Variants in SPP2 observed in about 807,000 individuals in gnomAD.
The protein encoded by SPP2 is secreted phosphoprotein 2, also known as secreted phosphoprotein 24.
Under a neutral mutation model 28.8 loss-of-function variants are expected in SPP2, and 34 were observed. That is an observed-to-expected ratio of 1.18 (90% CI 0.90 to 1.57). The LOEUF is 1.57. SPP2 is among the 40% of genes most tolerant of loss of function. The probability of loss-of-function intolerance (pLI) is 0.00; values close to 1 mark genes in which losing one functional copy is unlikely to be tolerated. For synonymous variants in SPP2, 96 were observed against 89.4 expected, an observed-to-expected ratio of 1.07 and a Z score of -0.42; for missense variants, 269 against 263.9, an observed-to-expected ratio of 1.02 and a Z score of -0.13.
At chr2:234,052,296 C>A (rs1166792639) in intron 2 of SPP2, among the ~76,000 whole-genome samples, 2 of 152,140 alleles carry the variant, frequency 1.3e-5, no homozygotes, top group African/African-American at 4.8e-5. Flanking sequence ...TATTGTATTT[C>A]AAATGCCAGT....
chr2:234,067,283 T>C lies in SPP2; in HGVS notation c.550+9T>C, dbSNP rs371218202. ...TTATGATCGGTCACTTGGTAAGTGA[T>C]TTCTTTCCTGCTGTGCCACCAGACC... On this transcript the variant is annotated intron_variant, in intron 6 of 7. Coordinates refer to ENST00000168148, the MANE Select transcript of SPP2 (RefSeq NM_006944.3). 1.1e-5 allele frequency: 17 copies of C among 1,613,708 alleles called. No homozygotes were observed. The highest frequency in any genetic ancestry group is 1.4e-5 in the Non-Finnish European group (16 of 1,179,778).
chr2:234,066,397 A>T, intron 4 of SPP2, 136 bp from the exon 5 acceptor site: 1 of 707,192 alleles, frequency 1.4e-6, no homozygotes, highest in Non-Finnish European at 2.4e-6. Flanking sequence ...TATTTAATAT[A>T]ACGTATTGCC....
Position 234,067,237 on chromosome 2 carries a change from C to G in SPP2, c.513C>G (p.Asp171Glu). The G allele has an allele frequency of 6.2e-7, 1 of 1,613,720 alleles. No homozygotes were observed. Among genetic ancestry groups the G allele is most frequent in the Non-Finnish European group, 8.5e-7 (1 of 1,179,724 alleles). Residue 171 changes from aspartate to glutamate, a missense_variant, in exon 6 of 8, where the codon GAC becomes GAG. Coordinates refer to ENST00000168148, the MANE Select transcript of SPP2 (RefSeq NM_006944.3). The part of the protein sequence containing the change: ...RNNYLFGLIS[D>E]ESISEQFYDR... Reference sequence around the variant, plus strand: ...ACTGTGTTACAGGTCTCATTTCAGACGAGTCCATAAGTGAACAATTTTATG... The same window carrying G: ...ACTGTGTTACAGGTCTCATTTCAGAGGAGTCCATAAGTGAACAATTTTATG...
chr2:234,052,023 C>T (rs1693508154), intron 2 of SPP2, among the ~76,000 whole-genome samples: 1 of 152,198 alleles, frequency 6.6e-6, no homozygotes. Context: ...ACATATTCAG[C>T]TTGATCTTCC....
At chr2:234,072,156 A>G (rs1690802175) in intron 7 of SPP2, among the ~76,000 whole-genome samples, 1 of 152,228 alleles carries the variant, frequency 6.6e-6, no homozygotes, top group South Asian at 2.1e-4. Context: ...TCAGTTAAGC[A>G]TGGTATAATT....
Position 234,050,962 on chromosome 2 carries a change from C to T in SPP2, c.86-9C>T, listed in dbSNP as rs202019698. The T allele has an allele frequency of 4.0e-5, 64 of 1,613,938 alleles. No individual in the cohort carries two copies. The Admixed American group carries it at 7.2e-4, about 18-fold the overall frequency. On this transcript the variant is annotated splice_polypyrimidine_tract_variant and intron_variant, in intron 1 of 7. Coordinates refer to ENST00000168148, the MANE Select transcript of SPP2 (RefSeq NM_006944.3). ...TGTCTCACTGTGCCCCATGTGCTTG[C>T]GTGTCCAGGTTTCCCAGTGTACGAC... is the stretch of plus-strand genomic sequence containing the variant.
At chr2:234,075,464 C>T (rs1031894206) in intron 7 of SPP2, among the ~76,000 whole-genome samples, 2 of 152,188 alleles carry the variant, frequency 1.3e-5, no homozygotes, top group Admixed American at 1.3e-4. Context: ...CCCATGTCCA[C>T]CCCTTCTCCT....
At chr2:234,059,433 T>C (rs1360519848) in intron 3 of SPP2, among the ~76,000 whole-genome samples, 2 of 152,108 alleles carry the variant, frequency 1.3e-5, no homozygotes, top group African/African-American at 2.4e-5. Flanking sequence ...GACCAGAACA[T>C]GTACAGCACT....
chr2:234,060,355 T>G lies in SPP2; in HGVS notation c.334-14T>G. 3 of 1,602,730 alleles carry G rather than the reference T, an allele frequency of 1.9e-6. No homozygotes were observed. The highest frequency in any genetic ancestry group is 2.6e-6 in the Non-Finnish European group (3 of 1,169,946). On this transcript the variant is annotated splice_polypyrimidine_tract_variant and intron_variant, in intron 3 of 7. Transcript: ENST00000168148. ...AACAGCTGAAGAGAGAACTCACCCC[T>G]TTGTCTTTTCCAGTCCACAGCTGTT...
chr2:234,064,883 C>A (rs542131942), intron 4 of SPP2, among the ~76,000 whole-genome samples: 3 of 152,328 alleles, frequency 2.0e-5, no homozygotes, highest in African/African-American at 7.2e-5. Flanking sequence ...TAGCATGCAT[C>A]AATGCTTCAT....
intron 6 of SPP2, among the ~76,000 whole-genome samples, chr2:234,067,829 C>G (rs1001359289): frequency 1.4e-5 from 2 of 138,076 alleles, no homozygotes; most frequent in African/African-American, 5.4e-5. Context: ...ATCAAAATAT[C>G]AAATCTGGCT....
chr2:234,059,110 T>A, intron 3 of SPP2, 152 bp downstream of exon 3: 1 of 912,212 alleles, frequency 1.1e-6, no homozygotes, highest in Non-Finnish European at 1.6e-6. Context: ...GTGGGGGAAG[T>A]GTTACTCCGT....
chr2:234,065,427 G>A (rs1359536970), intron 4 of SPP2, among the ~76,000 whole-genome samples: 2 of 152,084 alleles, frequency 1.3e-5, no homozygotes, highest in Non-Finnish European at 1.5e-5. Context: ...CTACACGTGC[G>A]TGCCACCATG....
In SPP2 at chr2:234,058,904, G is replaced by C. The variant is rs1297018807; in HGVS notation, c.279G>C (p.Arg93Ser). Residue 93 changes from arginine to serine, a missense_variant, in exon 3 of 8, where the codon AGG becomes AGC. By Grantham distance (110) the Arg-to-Ser change is moderately radical. Coordinates refer to ENST00000168148, the MANE Select transcript of SPP2 (RefSeq NM_006944.3). The part of the protein sequence containing the change: ...LEFSIRETTC[R>S]KDSGEDPATC... ...TCAGCATCCGGGAGACTACATGCAG[G>C]AAGGATTCTGGAGAAGATCCCGCTA... 1 of 1,614,100 alleles carries C rather than the reference G, an allele frequency of 6.2e-7. No individual in the cohort carries two copies. Among genetic ancestry groups the C allele is most frequent in the Admixed American group, 1.7e-5 (1 of 60,022 alleles).
At chr2:234,074,845 A>G (rs1690864020) in intron 7 of SPP2, among the ~76,000 whole-genome samples, 1 of 152,102 alleles carries the variant, frequency 6.6e-6, no homozygotes, top group Non-Finnish European at 1.5e-5. Flanking sequence ...CTCTTGGCCA[A>G]CAGCTCTATA....
At chr2:234,060,715 T>TCA (rs1286950956) in intron 4 of SPP2, among the ~76,000 whole-genome samples, 23 of 149,650 alleles carry the variant, frequency 1.5e-4, no homozygotes, top group South Asian at 1.0e-3. Flanking sequence ...TCTCTCTCTC[T>TCA]CACACACACA....
Position 234,069,982 on chromosome 2 carries a change from A to G in SPP2, c.605A>G (p.His202Arg). 1 of 1,613,670 alleles carries G rather than the reference A, an allele frequency of 6.2e-7. No homozygotes were observed. Among genetic ancestry groups the G allele is most frequent in the Non-Finnish European group, 8.5e-7 (1 of 1,179,640 alleles). ...PGNRRYPNHR[H>R]RARINTDFE ...AACAGAAGGTACCCAAACCACCGGC[A>G]CAGAGCAAGAATAAATACTGACTTT... Residue 202 changes from histidine to arginine, a missense_variant, in exon 7 of 8, where the codon CAC becomes CGC. Transcript: ENST00000168148.
At chr2:234,061,796 A>G (rs1342971644) in intron 4 of SPP2, among the ~76,000 whole-genome samples, 1 of 152,180 alleles carries the variant, frequency 6.6e-6, no homozygotes, top group Non-Finnish European at 1.5e-5. Flanking sequence ...TTTCTCCACA[A>G]AAAGTTCAGT....
chr2:234,067,129 G>C (rs1427169404), intron 5 of SPP2, 95 bp from the exon 6 acceptor site: 1 of 1,165,002 alleles, frequency 8.6e-7, no homozygotes, highest in African/African-American at 1.5e-5. Flanking sequence ...CTGCTTCTTT[G>C]CTTAAGAAGC....
Sources: allele counts gnomAD v4.1 joint callset (sites outside exome capture counted in the v4.1 genomes callset), GRCh38; gene constraint gnomAD v4.1.1; transcripts MANE v1.5; gene names NCBI Gene and HGNC (gene_info 2026-07-23, HGNC 2026-07-21).